The following COL23A1 variants were observed in gnomAD, a reference collection of about 807,000 sequenced individuals.
The protein encoded by COL23A1 is collagen alpha-1(XXIII) chain.
Under a neutral mutation model 99.3 loss-of-function variants are expected in COL23A1, and 97 were observed. The observed-to-expected ratio is 0.98, with a 90% CI of 0.83 to 1.16. The LOEUF is 1.16. Among genes scored for constraint, COL23A1 ranks in the 50% most tolerant of loss-of-function variants. COL23A1 has a pLI of 0.00. For missense variants in COL23A1, 762 were observed against 757.4 expected (o/e 1.01, Z -0.07); for synonymous variants, 320 against 308.2 (o/e 1.04, Z -0.40).
intron 2 of COL23A1, among the ~76,000 whole-genome samples, chr5:178,472,505 GCA>G (rs1756808305): frequency 6.6e-6 from 1 of 152,178 alleles, no homozygotes; most frequent in Non-Finnish European, 1.5e-5. Context: ...TATTTCTGAT[GCA>G]CAGTCAGATA....
intron 2 of COL23A1, among the ~76,000 whole-genome samples, chr5:178,338,493 C>G (rs543726446): frequency 1.4e-4 from 21 of 148,678 alleles, no homozygotes; most frequent in African/African-American, 5.2e-4. Context: ...CCTGGAAGCC[C>G]TTTAATGACA....
chr5:178,393,142 T>A (rs918344552), intron 2 of COL23A1, among the ~76,000 whole-genome samples: 2 of 152,232 alleles, frequency 1.3e-5, no homozygotes, highest in Admixed American at 1.3e-4. Context: ...ATATAAAACA[T>A]CTGGCTCGAG....
chr5:178,445,709 C>G (rs997753589), intron 2 of COL23A1, among the ~76,000 whole-genome samples: 1 of 151,744 alleles, frequency 6.6e-6, no homozygotes, highest in African/African-American at 2.4e-5. Flanking sequence ...AAAATTAAAC[C>G]TTAGAAGCAC....
At chr5:178,443,354 C>G (rs2127844857) in intron 2 of COL23A1, among the ~76,000 whole-genome samples, 1 of 152,358 alleles carries the variant, frequency 6.6e-6, no homozygotes, top group African/African-American at 2.4e-5. Context: ...AAATGTCTTG[C>G]AGCCACTCAG....
In COL23A1 at chr5:178,415,177, C is replaced by T. The variant is rs538017017; in HGVS notation, c.362-108258G>A. Among the ~76,000 whole-genome samples the T allele has an allele frequency of 6.6e-6, 1 of 152,172 alleles. No homozygotes were observed. Among genetic ancestry groups the T allele is most frequent in the African/African-American group, 2.4e-5 (1 of 41,430 alleles). On this transcript the variant is annotated intron_variant, in intron 2 of 28. Transcript: ENST00000390654. The surrounding 1 kb of genome is among the most constrained non-coding windows in gnomAD (Gnocchi z 4.6). Reference sequence around the variant, plus strand: ...AGCCTCTGACTCTCCCAGGAAGGAGCTCCAGTCAAGGATCCTGGCATCTTG... The same window carrying T: ...AGCCTCTGACTCTCCCAGGAAGGAGTTCCAGTCAAGGATCCTGGCATCTTG...
At chr5:178,560,814 A>C in intron 1 of COL23A1, 66 bp from the exon 2 acceptor site, 1 of 1,483,886 alleles carries the variant, frequency 6.7e-7, no homozygotes, top group South Asian at 1.2e-5. Context: ...AGAGGGGTAA[A>C]AGTGGAAACA....
In COL23A1 at chr5:178,269,520, C is replaced by T. The variant is rs375001070; in HGVS notation, c.469-764G>A. Among the ~76,000 whole-genome samples the T allele has an allele frequency of 3.7e-3, 300 of 80,578 alleles. 7 individuals carry two copies. The highest frequency in any genetic ancestry group is 0.013 in the African/African-American group (220 of 17,140). The allele number at this position is 80,578 out of a possible 152,430, so 52.9% of individuals were successfully genotyped here. ...CCACCCATCCACCCATCCACCCACCCATCCACCCACCCATCTATCCACCCA... is the reference window on the plus strand; with the variant it reads ...CCACCCATCCACCCATCCACCCACCTATCCACCCACCCATCTATCCACCCA... On this transcript the variant is annotated intron_variant, in intron 6 of 28. Transcript: ENST00000390654.
chr5:178,257,006 G>A (rs989876930), intron 13 of COL23A1, 78 bp from the exon 14 acceptor site: 105 of 1,415,152 alleles, frequency 7.4e-5, no homozygotes, highest in Non-Finnish European at 9.8e-5. Context: ...CGTGCCTCGG[G>A]GTTGCCTGAA....
At chr5:178,465,504 G>C (rs374696480) in intron 2 of COL23A1, among the ~76,000 whole-genome samples, 59 of 152,278 alleles carry the variant, frequency 3.9e-4, no homozygotes, top group African/African-American at 1.4e-3. Context: ...ATGGGCCTCC[G>C]AGCAAGCCTG....
At chr5:178,445,758 C>T (rs1415016859) in intron 2 of COL23A1, among the ~76,000 whole-genome samples, 1 of 151,986 alleles carries the variant, frequency 6.6e-6, no homozygotes. Flanking sequence ...GGCAAAGAAT[C>T]TTTCCAGGAT....
At chr5:178,558,146 T>C (rs1293879718) in intron 2 of COL23A1, among the ~76,000 whole-genome samples, 1 of 151,820 alleles carries the variant, frequency 6.6e-6, no homozygotes, top group Non-Finnish European at 1.5e-5. Flanking sequence ...CAAGACCTTC[T>C]TGGGGGCCTC....
chr5:178,481,688 T>C (rs1305115024), intron 2 of COL23A1, among the ~76,000 whole-genome samples: 1 of 151,970 alleles, frequency 6.6e-6, no homozygotes, highest in Non-Finnish European at 1.5e-5. Context: ...TTCATACCCA[T>C]TAGTATAGCT....
intron 2 of COL23A1, among the ~76,000 whole-genome samples, chr5:178,483,072 G>A (rs753665220): frequency 5.3e-5 from 8 of 150,692 alleles, no homozygotes; most frequent in Non-Finnish European, 5.9e-5. Context: ...ACTCTGTCTC[G>A]AAAAGAAAAA....
rs1483012777 is a variant in COL23A1 at position 178,523,431 on chromosome 5, A to C, written c.361+37251T>G. 3.4e-3 allele frequency: 472 copies of C among 140,576 alleles called. 4 individuals are homozygous for C. The highest frequency in any genetic ancestry group is 0.012 in the African/African-American group (452 of 38,804). 8.7% of individuals were successfully genotyped at this position (140,576 alleles called of 1,614,324 possible). A position where few individuals can be genotyped will look rare whatever the true frequency, so the allele number is the denominator to read the frequency against. Reference sequence around the variant, plus strand: ...AACAAGAACGAAACTCTGTCTCAAAAAAAAAAAAAAAAAAAAAAGAAAAAG... The same window carrying C: ...AACAAGAACGAAACTCTGTCTCAAACAAAAAAAAAAAAAAAAAAGAAAAAG... On this transcript the variant is annotated intron_variant, in intron 2 of 28. Transcript: ENST00000390654.
intron 23 of COL23A1, 36 bp from the exon 24 acceptor site, chr5:178,246,343 G>A (rs1764693147): frequency 6.4e-7 from 1 of 1,560,724 alleles, no homozygotes; most frequent in Non-Finnish European, 8.7e-7. Context: ...AGGCATGCTA[G>A]TGACAGGAAT....
rs947495088 is a variant in COL23A1 at position 178,405,055 on chromosome 5, G to A, written c.362-98136C>T. ...GCCGCCATGATCCCTCCTCAGGCTT[G>A]GCCAGGTGACCCCCTAAGCATCCCT... On this transcript the variant is annotated intron_variant, in intron 2 of 28. Transcript: ENST00000390654. 7.9e-5 allele frequency among the ~76,000 whole-genome samples: 12 copies of A among 152,302 alleles called. No homozygotes were observed. In the East Asian group the frequency reaches 2.3e-3, roughly 29 times the overall value.
chr5:178,268,839 G>T, intron 6 of COL23A1, 83 bp from the exon 7 acceptor site: 3 of 1,426,850 alleles, frequency 2.1e-6, no homozygotes, highest in Non-Finnish European at 2.9e-6. Flanking sequence ...TACCTCTGAG[G>T]GCAGAAGGGC....
rs1047116616 is a variant in COL23A1, at chr5:178,238,516, C to T, written c.*182G>A. Reference sequence around the variant, plus strand: ...TCAGGTACACATCTCCCTGGTCTGGCCTGTCCACTTTCCGGCAGCTTCACA... The same window carrying T: ...TCAGGTACACATCTCCCTGGTCTGGTCTGTCCACTTTCCGGCAGCTTCACA... On this transcript the variant is annotated 3_prime_UTR_variant, in exon 29 of 29. Coordinates refer to ENST00000390654, the MANE Select transcript of COL23A1 (RefSeq NM_173465.4). 2.4e-5 allele frequency: 18 copies of T among 752,970 alleles called. No homozygotes were observed. In the Admixed American group the frequency reaches 3.3e-4, roughly 14 times the overall value. The allele number at this position is 752,970 out of a possible 1,614,324, so 46.6% of individuals were successfully genotyped here.
chr5:178,414,190 G>A (rs905545118), intron 2 of COL23A1, among the ~76,000 whole-genome samples: 6 of 152,170 alleles, frequency 3.9e-5, no homozygotes, highest in South Asian at 2.1e-4. Flanking sequence ...TCCGCCCTGT[G>A]CTGGGCCAGC....
Sources: allele counts gnomAD v4.1 joint callset (sites outside exome capture counted in the v4.1 genomes callset), GRCh38; gene constraint gnomAD v4.1.1; non-coding constraint Gnocchi (gnomAD v3.1); transcripts MANE v1.5; gene names NCBI Gene and HGNC (gene_info 2026-07-23, HGNC 2026-07-21).